ZNF652: variants seen among roughly 807,000 people sequenced by gnomAD.
The protein encoded by ZNF652 is zinc finger protein 652.
In ZNF652, 16 loss-of-function variants were observed where a neutral mutation model predicts 45.2. The observed-to-expected ratio is 0.35, with a 90% CI of 0.24 to 0.54. The LOEUF (loss-of-function observed/expected upper bound fraction) is 0.54. Among genes scored for constraint, ZNF652 ranks in the 20% least tolerant of loss-of-function variants. ZNF652 has a pLI of 0.91. For missense variants in ZNF652, 614 were observed against 765.6 expected, an observed-to-expected ratio of 0.80 and a Z score of 2.34; for synonymous variants, 250 against 260.6, an observed-to-expected ratio of 0.96 and a Z score of 0.39.
intron 1 of ZNF652, among the ~76,000 whole-genome samples, chr17:49,345,073 A>C (rs11657365): frequency 1.2e-4 from 18 of 152,174 alleles, no homozygotes; most frequent in Non-Finnish European, 2.5e-4. Flanking sequence ...GAGGGGCCCT[A>C]AGAGTAAGAA....
rs1484574540 is a variant in ZNF652, at chr17:49,293,918, T to C, written c.*4495A>G. ...GACCAGCAATGCAATAAAAGTTGTC[T>C]TTTCTATACAGTAGCTCAAACAGAA... On this transcript the variant is annotated 3_prime_UTR_variant, in exon 6 of 6. Transcript: ENST00000430262. 6.6e-6 allele frequency among the ~76,000 whole-genome samples: 1 copy of C among 152,180 alleles called. No homozygotes were observed. Among genetic ancestry groups the C allele is most frequent in the East Asian group, 1.9e-4 (1 of 5,204 alleles).
At chr17:49,328,731 A>G (rs909841317) in intron 1 of ZNF652, among the ~76,000 whole-genome samples, 2 of 152,186 alleles carry the variant, frequency 1.3e-5, no homozygotes, top group African/African-American at 4.8e-5. Context: ...CCAGGCTTGT[A>G]CAGCCTGCAG....
chr17:49,333,430 C>T (rs2070045921), intron 1 of ZNF652, among the ~76,000 whole-genome samples: 2 of 148,950 alleles, frequency 1.3e-5, no homozygotes, highest in African/African-American at 4.9e-5. Flanking sequence ...TACAAATGGG[C>T]CAGGCGTGGT....
chr17:49,347,734 GGTTTT>G (rs202005205), intron 1 of ZNF652, among the ~76,000 whole-genome samples: 3,780 of 74,928 alleles, frequency 0.05, 236 homozygotes, highest in East Asian at 0.1. Context: ...ATTGAACCTT[GGTTTT>G]GTTTTTTTTT....
At chr17:49,339,196 AATTTTT>A (rs1310374738) in intron 1 of ZNF652, among the ~76,000 whole-genome samples, 10 of 101,782 alleles carry the variant, frequency 9.8e-5, no homozygotes, top group African/African-American at 3.6e-4. Context: ...TGAGTTAGGA[AATTTTT>A]TTTTTTTTTT....
intron 3 of ZNF652, among the ~76,000 whole-genome samples, chr17:49,312,243 G>A (rs1285808186): frequency 7.3e-6 from 1 of 136,362 alleles, no homozygotes; most frequent in Non-Finnish European, 1.5e-5. Flanking sequence ...TTGGCTCACT[G>A]CAACCTCTGC....
In ZNF652 at chr17:49,293,548, T is replaced by A. The variant is rs930370725; in HGVS notation, c.*4865A>T. 2.0e-5 allele frequency among the ~76,000 whole-genome samples: 3 copies of A among 150,996 alleles called. No individual in the cohort carries two copies. The highest frequency in any genetic ancestry group is 4.4e-5 in the Non-Finnish European group (3 of 67,916). Reference sequence around the variant, plus strand: ...CGAGGTAGTGTCCAGGGTTGGAAGGTCATCATTCTTTATTGTAAGTGCTAC... The same window carrying A: ...CGAGGTAGTGTCCAGGGTTGGAAGGACATCATTCTTTATTGTAAGTGCTAC... On this transcript the variant is annotated 3_prime_UTR_variant, in exon 6 of 6. Coordinates refer to ENST00000430262, the MANE Select transcript of ZNF652 (RefSeq NM_001145365.3).
chr17:49,338,102 C>T (rs2070105328), intron 1 of ZNF652, among the ~76,000 whole-genome samples: 2 of 151,984 alleles, frequency 1.3e-5, no homozygotes, highest in African/African-American at 2.4e-5. Flanking sequence ...ATCCTCCCAC[C>T]TCATCTTCCT....
chr17:49,321,745 G>A (rs2069896142), intron 1 of ZNF652, among the ~76,000 whole-genome samples: 1 of 152,166 alleles, frequency 6.6e-6, no homozygotes, highest in Admixed American at 6.5e-5. Flanking sequence ...AAAGTTATTG[G>A]AGGCTAAAAG....
chr17:49,333,801 A>G (rs559153210), intron 1 of ZNF652, among the ~76,000 whole-genome samples: 2 of 152,030 alleles, frequency 1.3e-5, no homozygotes, highest in African/African-American at 4.8e-5. Flanking sequence ...ATTCAGCATT[A>G]GTGAAATGCA....
At position 49,292,888 on chromosome 17, in the gene ZNF652, G is replaced by A. The variant is rs890810896; in HGVS notation, c.*5525C>T. 1.3e-5 allele frequency among the ~76,000 whole-genome samples: 2 copies of A among 152,166 alleles called. No individual in the cohort carries two copies. Among genetic ancestry groups the A allele is most frequent in the Admixed American group, 6.5e-5 (1 of 15,274 alleles). ...TCCAAGGTTTTAGCTAGTTTGTAGAGTTAAGCCCATTGGAATATGGGTGAA... is the reference window on the plus strand; with the variant it reads ...TCCAAGGTTTTAGCTAGTTTGTAGAATTAAGCCCATTGGAATATGGGTGAA... On this transcript the variant is annotated 3_prime_UTR_variant, in exon 6 of 6. Transcript: ENST00000430262.
rs368568248 is a variant in ZNF652, at chr17:49,353,592, A to G, written c.-259+8317T>C. Among the ~76,000 whole-genome samples the G allele has an allele frequency of 5.9e-5, 9 of 152,188 alleles. No individual in the cohort carries two copies. In the South Asian group the frequency reaches 1.0e-3, roughly 18 times the overall value. On this transcript the variant is annotated intron_variant, in intron 1 of 5. Coordinates refer to ENST00000430262, the MANE Select transcript of ZNF652 (RefSeq NM_001145365.3). ...GAAAATACATTTTGTTAAGCACTAT[A>G]TAGGGCAGTGTTTTTTTCAAAGTGC...
intron 1 of ZNF652, among the ~76,000 whole-genome samples, chr17:49,339,761 G>A (rs545423274): frequency 7.2e-5 from 11 of 152,234 alleles, no homozygotes; most frequent in South Asian, 4.1e-4. Context: ...GAGCTGCTCC[G>A]CTGTGCCACT....
Position 49,298,404 on chromosome 17 carries a change from A to C in ZNF652, c.*9T>G. On this transcript the variant is annotated 3_prime_UTR_variant, in exon 6 of 6. Coordinates refer to ENST00000430262, the MANE Select transcript of ZNF652 (RefSeq NM_001145365.3). ...GTGTCTCCTGGAGAACACACTAAGGAGACGGATGTTAATGATGCTGTGCTG... is the reference window on the plus strand; with the variant it reads ...GTGTCTCCTGGAGAACACACTAAGGCGACGGATGTTAATGATGCTGTGCTG... 1 of 1,612,278 alleles carries C rather than the reference A, an allele frequency of 6.2e-7. No homozygotes were observed. Among genetic ancestry groups the C allele is most frequent in the Non-Finnish European group, 8.5e-7 (1 of 1,179,974 alleles).
intron 5 of ZNF652, among the ~76,000 whole-genome samples, chr17:49,303,123 C>CA (rs1174392281): frequency 6.6e-6 from 1 of 151,784 alleles, no homozygotes; most frequent in Non-Finnish European, 1.5e-5. Flanking sequence ...GCCAGGAGTT[C>CA]AAGACCAGCC....
chr17:49,355,229 A>G (rs1403363712), intron 1 of ZNF652, among the ~76,000 whole-genome samples: 1 of 152,222 alleles, frequency 6.6e-6, no homozygotes, highest in Non-Finnish European at 1.5e-5. Flanking sequence ...ATTAGATAAA[A>G]AACTTTTAAT....
At chr17:49,332,933 G>A (rs1429889352) in intron 1 of ZNF652, among the ~76,000 whole-genome samples, 1 of 152,062 alleles carries the variant, frequency 6.6e-6, no homozygotes, top group Admixed American at 6.6e-5. Context: ...AGCACTTTGG[G>A]AGGCTAAGGC....
intron 1 of ZNF652, among the ~76,000 whole-genome samples, chr17:49,358,320 T>C (rs187426461): frequency 6.6e-6 from 1 of 152,316 alleles, no homozygotes; most frequent in East Asian, 1.9e-4. Flanking sequence ...TAAATTCAAG[T>C]GCTGATTGTC....
At chr17:49,326,241 T>TAAAAAAAA (rs56916451) in intron 1 of ZNF652, among the ~76,000 whole-genome samples, 2 of 94,072 alleles carry the variant, frequency 2.1e-5, no homozygotes, top group Non-Finnish European at 4.2e-5. Flanking sequence ...ACCCCATCTC[T>TAAAAAAAA]AAAAAAAAAA....
Sources: gnomAD v4.1 joint callset for allele counts (sites outside exome capture counted in the v4.1 genomes callset) on GRCh38, gnomAD v4.1.1 for gene constraint, MANE v1.5 for transcripts, NCBI Gene and HGNC (gene_info 2026-07-23, HGNC 2026-07-21) for gene names.